SLC38A9: variants seen among roughly 807,000 people sequenced by gnomAD.
SLC38A9 encodes the protein solute carrier family 38 member 9.
In SLC38A9, 48 loss-of-function variants were observed where a neutral mutation model predicts 62.3. That is an observed-to-expected ratio of 0.77 (90% CI 0.61 to 0.98). The LOEUF (loss-of-function observed/expected upper bound fraction) is 0.98. SLC38A9 is among the 50% of genes least tolerant of loss of function. The pLI, the probability that SLC38A9 is intolerant of heterozygous loss-of-function variation, is 0.00. For missense variants in SLC38A9, 541 were observed against 679.8 expected (o/e 0.80, Z 2.27); for synonymous variants, 204 against 227.7 (o/e 0.90, Z 0.94).
chr5:55,627,681 G>T (rs923214307), intron 15 of SLC38A9, among the ~76,000 whole-genome samples: 1 of 152,058 alleles, frequency 6.6e-6, no homozygotes, highest in East Asian at 1.9e-4. Context: ...AGGGATAATG[G>T]AGCTTCTAGA....
chr5:55,633,516 TAA>T, intron 14 of SLC38A9: 1 of 448,422 alleles, frequency 2.2e-6, no homozygotes, highest in Non-Finnish European at 3.9e-6. Flanking sequence ...AAGATAAATA[TAA>T]ATGGTATCGG....
intron 3 of SLC38A9, among the ~76,000 whole-genome samples, chr5:55,680,929 A>G (rs1184483243): frequency 2.0e-5 from 3 of 152,266 alleles, no homozygotes; most frequent in African/African-American, 7.2e-5. Context: ...GATAAAGGCA[A>G]CAGCTCAAAG....
chr5:55,697,788 A>G lies in SLC38A9; in HGVS notation c.113+58T>C, dbSNP rs560727528. On this transcript the variant is annotated intron_variant, in intron 3 of 15. Transcript: ENST00000396865. ...TCTATACATGTTTGGTTATAATTAG[A>G]TGTATTTTAATCATTAAAGACCCTA... The G allele has an allele frequency of 7.3e-6, 6 of 819,006 alleles. No individual in the cohort carries two copies. In the East Asian group the frequency reaches 1.6e-4, roughly 22 times the overall value. 50.7% of individuals were successfully genotyped at this position (819,006 alleles called of 1,614,324 possible).
intron 2 of SLC38A9, among the ~76,000 whole-genome samples, chr5:55,709,226 G>A (rs1757684498): frequency 1.3e-5 from 2 of 152,048 alleles, no homozygotes; most frequent in South Asian, 2.1e-4. Context: ...CCAAAGCAAC[G>A]CTGTGGTACC....
At chr5:55,704,509 A>C (rs916889206) in intron 2 of SLC38A9, 1 of 152,180 alleles carries the variant, frequency 6.6e-6, no homozygotes, top group South Asian at 2.1e-4. Context: ...AACTTTTACC[A>C]AAGTCTGTGT....
intron 12 of SLC38A9, among the ~76,000 whole-genome samples, chr5:55,638,105 T>C (rs949095076): frequency 6.6e-6 from 1 of 152,160 alleles, no homozygotes; most frequent in Admixed American, 6.5e-5. Flanking sequence ...CAACATACCT[T>C]AAGTAAAAGT....
intron 12 of SLC38A9, 54 bp downstream of exon 12, chr5:55,645,735 T>C: frequency 8.0e-7 from 1 of 1,254,612 alleles, no homozygotes; most frequent in Non-Finnish European, 1.1e-6. Flanking sequence ...AATACTGACT[T>C]AAAAAATTTA....
At chr5:55,639,353 A>T (rs80056025) in intron 12 of SLC38A9, among the ~76,000 whole-genome samples, 1 of 152,072 alleles carries the variant, frequency 6.6e-6, no homozygotes. Flanking sequence ...GGAAAAAAAA[A>T]TGTATGAAAT....
chr5:55,680,750 A>G (rs1752883030), intron 3 of SLC38A9, among the ~76,000 whole-genome samples: 1 of 152,244 alleles, frequency 6.6e-6, no homozygotes, highest in Admixed American at 6.5e-5. Flanking sequence ...ACAGACAAAG[A>G]GAAATTCTGC....
Position 55,652,520 on chromosome 5 carries a change from A to G in SLC38A9, c.952+9T>C, listed in dbSNP as rs1747701913. ...CACAAAGTCTCCATAATTCAGTGCT[A>G]CTACTTACCTAGGATATTAAATTTT... On this transcript the variant is annotated intron_variant, in intron 10 of 15. Transcript: ENST00000396865. 6.4e-7 allele frequency: 1 copy of G among 1,567,332 alleles called. No homozygotes were observed. Among genetic ancestry groups the G allele is most frequent in the South Asian group, 1.2e-5 (1 of 86,158 alleles).
At chr5:55,669,187 A>G in intron 7 of SLC38A9, 41 bp downstream of exon 7, 3 of 1,455,478 alleles carry the variant, frequency 2.1e-6, no homozygotes, top group Admixed American at 1.8e-5. Context: ...GGAAATGCTT[A>G]TTAATACCCA....
At chr5:55,685,197 T>G (rs907479579) in intron 3 of SLC38A9, among the ~76,000 whole-genome samples, 1 of 152,230 alleles carries the variant, frequency 6.6e-6, no homozygotes, top group African/African-American at 2.4e-5. Context: ...GATTGATGAC[T>G]GTACAGCCAT....
Position 55,669,769 on chromosome 5 carries a change from A to T in SLC38A9, c.357T>A (p.Ser119Arg). Residue 119 changes from serine to arginine, a missense_variant, in exon 5 of 16, where the codon AGT becomes AGA. Coordinates refer to ENST00000396865, the MANE Select transcript of SLC38A9 (RefSeq NM_173514.4). ...SYTEGYGKNTSLVTIFMIWNT... is the reference protein window; with the variant it reads ...SYTEGYGKNTRLVTIFMIWNT... ...GCAGTTTCACTCACATGGTTACTAA[A>T]CTGGTGTTTTTACCGTATCCTTCAG... The T allele has an allele frequency of 1.2e-6, 2 of 1,613,716 alleles. No individual in the cohort carries two copies. The highest frequency in any genetic ancestry group is 1.7e-6 in the Non-Finnish European group (2 of 1,179,886).
At chr5:55,677,558 A>G (rs1251978170) in intron 3 of SLC38A9, among the ~76,000 whole-genome samples, 1 of 152,070 alleles carries the variant, frequency 6.6e-6, no homozygotes, top group Non-Finnish European at 1.5e-5. Flanking sequence ...TTGTTTTGAG[A>G]TAGGGTTCCA....
intron 2 of SLC38A9, chr5:55,702,796 A>G (rs953169338): frequency 6.6e-6 from 1 of 151,976 alleles, no homozygotes; most frequent in Admixed American, 6.6e-5. Context: ...AAATATGTGC[A>G]TTTTCTTTTC....
intron 3 of SLC38A9, among the ~76,000 whole-genome samples, chr5:55,675,737 T>C (rs1224189215): frequency 6.6e-6 from 1 of 152,018 alleles, no homozygotes; most frequent in African/African-American, 2.4e-5. Flanking sequence ...ATGTACAAAA[T>C]ATTTTAAAAT....
rs757403437 is a variant in SLC38A9, at chr5:55,664,897, G to A, written c.527-34C>T. 2.2e-6 allele frequency: 3 copies of A among 1,391,416 alleles called. No homozygotes were observed. In the African/African-American group the frequency reaches 4.5e-5, roughly 21 times the overall value. 86.2% of individuals were successfully genotyped at this position (1,391,416 alleles called of 1,614,324 possible). A position where few individuals can be genotyped will look rare whatever the true frequency, so the allele number is the denominator to read the frequency against. On this transcript the variant is annotated intron_variant, in intron 7 of 15. Coordinates refer to ENST00000396865, the MANE Select transcript of SLC38A9 (RefSeq NM_173514.4). ...AATAAGAGAAAGAATAAAACTAAAT[G>A]TTGAACATATATTCCATATTCATAA...
intron 11 of SLC38A9, among the ~76,000 whole-genome samples, chr5:55,647,446 A>ATT (rs1746588879): frequency 6.6e-6 from 1 of 152,000 alleles, no homozygotes; most frequent in Admixed American, 6.6e-5. Flanking sequence ...TAAAAAGTCC[A>ATT]CTGACTCTGC....
chr5:55,654,196 A>G (rs916973447), intron 9 of SLC38A9, among the ~76,000 whole-genome samples: 3 of 152,204 alleles, frequency 2.0e-5, no homozygotes, highest in African/African-American at 7.2e-5. Context: ...TTCTCTATCC[A>G]TTATTTGGCA....
Sources: gnomAD v4.1 joint callset for allele counts (sites outside exome capture counted in the v4.1 genomes callset) on GRCh38, gnomAD v4.1.1 for gene constraint, MANE v1.5 for transcripts, NCBI Gene and HGNC (gene_info 2026-07-23, HGNC 2026-07-21) for gene names.